The following CNTLN variants were observed in gnomAD, a reference collection of about 807,000 sequenced individuals.
CNTLN encodes the protein centlein, centrosomal protein.
Under a neutral mutation model 180.0 loss-of-function variants are expected in CNTLN, and 212 were observed. The observed-to-expected ratio is 1.18, with a 90% CI of 1.05 to 1.32. The LOEUF (loss-of-function observed/expected upper bound fraction) is 1.32. CNTLN is among the 40% of genes most tolerant of loss of function. The pLI is 0.00. For missense variants in CNTLN, 2,095 were observed against 1,610.9 expected (o/e 1.30, Z -5.14); for synonymous variants, 722 against 563.1 (o/e 1.28, Z -3.99).
At chr9:17,278,337 T>C (rs974792244) in intron 6 of CNTLN, among the ~76,000 whole-genome samples, 11 of 152,078 alleles carry the variant, frequency 7.2e-5, no homozygotes, top group African/African-American at 2.4e-4. Context: ...GCATATGAAC[T>C]TTAGAGTAAA....
At chr9:17,502,055 A>G (rs1833777770) in intron 25 of CNTLN, among the ~76,000 whole-genome samples, 1 of 151,968 alleles carries the variant, frequency 6.6e-6, no homozygotes, top group African/African-American at 2.4e-5. Context: ...ATAACAACTT[A>G]ATCAATGGGT....
intron 18 of CNTLN, among the ~76,000 whole-genome samples, chr9:17,452,024 A>G (rs1363111520): frequency 6.6e-6 from 1 of 152,196 alleles, no homozygotes; most frequent in African/African-American, 2.4e-5. Flanking sequence ...TGGATACCCA[A>G]CAGCATTTTC....
In CNTLN at chr9:17,235,679, G is replaced by C; in HGVS notation, c.556G>C (p.Glu186Gln). 2 of 1,604,498 alleles carry C rather than the reference G, an allele frequency of 1.2e-6. No individual in the cohort carries two copies. The highest frequency in any genetic ancestry group is 1.7e-6 in the Non-Finnish European group (2 of 1,176,108). Residue 186 changes from glutamate (E) to glutamine (Q), a missense_variant, in exon 4 of 26, where the codon GAA (glutamate) becomes CAA (glutamine). Transcript: ENST00000380647. Reference protein sequence around the residue: ...FEQRESVLKQEINDLVKRKIA... With the variant: ...FEQRESVLKQQINDLVKRKIA... ...ACAGAGAGAGTCAGTACTGAAACAG[G>C]AAATAAATGACCTTGTAAAACGGAA...
At chr9:17,506,964 C>G (rs1462598434), downstream of CNTLN, among the ~76,000 whole-genome samples, 2 of 152,008 alleles carry the variant, frequency 1.3e-5, no homozygotes, top group Non-Finnish European at 1.5e-5. Context: ...ACATTTATTA[C>G]TTATTTGTCT....
chr9:17,513,450 C>A, the CNTLN span, among the ~76,000 whole-genome samples: 13,537 of 152,096 alleles, frequency 0.089, 2,013 homozygotes, highest in African/African-American at 0.31. Flanking sequence ...AATCCCAGCA[C>A]TTTGGGAGGC....
chr9:17,490,689 T>A (rs758380406), intron 25 of CNTLN, among the ~76,000 whole-genome samples: 2 of 152,090 alleles, frequency 1.3e-5, no homozygotes, highest in Non-Finnish European at 2.9e-5. Context: ...TAAAAACCAA[T>A]GATTTATATA....
In CNTLN at chr9:17,394,542, G is replaced by A; in HGVS notation, c.2088G>A (p.Glu696=). Residue 696 remains glutamate (E), a synonymous_variant, in exon 15 of 26, where the codon GAG becomes GAA. Transcript: ENST00000380647. The stretch of plus-strand genomic sequence containing the variant: ...TAAACTCTTTCCTTTAGGTCACTGA[G>A]TTGGAAAATCGGCTGAAATCTTTTG... ...MLEQTLQKVT[E]LENRLKSFEK... 1 of 1,568,734 alleles carries A rather than the reference G, an allele frequency of 6.4e-7. No homozygotes were observed. Among genetic ancestry groups the A allele is most frequent in the Non-Finnish European group, 8.6e-7 (1 of 1,160,130 alleles).
intron 6 of CNTLN, among the ~76,000 whole-genome samples, chr9:17,277,202 A>C (rs1475262114): frequency 1.2e-5 from 1 of 81,588 alleles, no homozygotes; most frequent in Non-Finnish European, 2.6e-5. Context: ...ATTTTTGCCT[A>C]GGTTACAGTA....
At chr9:17,322,343 G>A (rs529654377) in intron 8 of CNTLN, among the ~76,000 whole-genome samples, 7 of 151,908 alleles carry the variant, frequency 4.6e-5, no homozygotes, top group African/African-American at 1.2e-4. Flanking sequence ...TTTTTCTAAA[G>A]GCCATTGTGT....
rs775951209 is a variant in CNTLN, at chr9:17,279,064, T to TA, written c.983+5199dup. On this transcript the variant is annotated intron_variant, in intron 6 of 25. Transcript: ENST00000380647. ...CTTTCTAAAACTAAGAACAAACTGA[T>TA]ACGAAAAACCTTGGCGATTCATGTT... is the stretch of plus-strand genomic sequence containing the variant. Among the ~76,000 whole-genome samples, 19 of 151,896 alleles carry TA rather than the reference T, an allele frequency of 1.3e-4. No homozygotes were observed. The Middle Eastern group carries it at 0.024, about 190-fold the overall frequency.
chr9:17,214,088 C>T (rs1222547200), intron 2 of CNTLN, among the ~76,000 whole-genome samples: 1 of 152,070 alleles, frequency 6.6e-6, no homozygotes, highest in Non-Finnish European at 1.5e-5. Flanking sequence ...TGAATTTGAT[C>T]CTGTCATTAT....
intron 2 of CNTLN, among the ~76,000 whole-genome samples, chr9:17,157,397 G>C (rs945152743): frequency 1.3e-5 from 2 of 152,170 alleles, no homozygotes; most frequent in African/African-American, 4.8e-5. Context: ...GATGTCTGAA[G>C]AATGAGAAGG....
At chr9:17,199,906 T>G (rs1822407354) in intron 2 of CNTLN, among the ~76,000 whole-genome samples, 1 of 152,178 alleles carries the variant, frequency 6.6e-6, no homozygotes, top group South Asian at 2.1e-4. Flanking sequence ...TCATGAAGTC[T>G]TTGCCCTTGC....
the CNTLN span, among the ~76,000 whole-genome samples, chr9:17,522,762 G>T: frequency 1.9e-4 from 29 of 151,672 alleles, no homozygotes; most frequent in East Asian, 3.1e-3. Flanking sequence ...AAATTTAAAA[G>T]ATACTTTTAT....
intron 16 of CNTLN, among the ~76,000 whole-genome samples, chr9:17,410,829 G>A (rs1827791683): frequency 6.6e-6 from 1 of 151,992 alleles, no homozygotes; most frequent in Non-Finnish European, 1.5e-5. Flanking sequence ...TAAATCCAAT[G>A]TACGTAAACA....
At chr9:17,512,398 C>T in the CNTLN span, among the ~76,000 whole-genome samples, 26 of 152,138 alleles carry the variant, frequency 1.7e-4, no homozygotes, top group African/African-American at 6.0e-4. Context: ...GGCCATTATC[C>T]TAAATGAATT....
chr9:17,442,420 A>T (rs557686765), intron 18 of CNTLN, among the ~76,000 whole-genome samples: 1 of 152,176 alleles, frequency 6.6e-6, no homozygotes, highest in Admixed American at 6.5e-5. Context: ...TGTTTTTGAG[A>T]TGGAGTCTCG....
At chr9:17,490,380 G>A (rs544732132) in intron 25 of CNTLN, among the ~76,000 whole-genome samples, 1 of 152,138 alleles carries the variant, frequency 6.6e-6, no homozygotes, top group South Asian at 2.1e-4. Context: ...CCAAAAGATG[G>A]GTGAGTTTAA....
intron 10 of CNTLN, among the ~76,000 whole-genome samples, chr9:17,333,950 A>G (rs1335497888): frequency 6.6e-6 from 1 of 152,170 alleles, no homozygotes; most frequent in South Asian, 2.1e-4. Flanking sequence ...TCTCTAGTTA[A>G]GAAGGTAAGT....
Sources: gnomAD v4.1 joint callset for allele counts (sites outside exome capture counted in the v4.1 genomes callset) on GRCh38, gnomAD v4.1.1 for gene constraint, MANE v1.5 for transcripts, NCBI Gene and HGNC (gene_info 2026-07-23, HGNC 2026-07-21) for gene names.